TNFAIP2: variants seen among roughly 807,000 people sequenced by gnomAD.
The protein encoded by TNFAIP2 is tumor necrosis factor alpha-induced protein 2.
In TNFAIP2, 47 loss-of-function variants were observed where a neutral mutation model predicts 63.5. The observed-to-expected ratio is 0.74, with a 90% confidence interval of 0.59 to 0.94. The LOEUF (loss-of-function observed/expected upper bound fraction) is 0.94, where lower values mean the gene tolerates loss of function less well. Ranked by LOEUF, TNFAIP2 falls within the 40% of genes least tolerant of loss-of-function variation. The probability of loss-of-function intolerance (pLI) is 0.00; values close to 1 mark genes in which losing one functional copy is unlikely to be tolerated. For synonymous variants in TNFAIP2, 405 were observed against 390.2 expected, an observed-to-expected ratio of 1.04 and a Z score of -0.45; for missense variants, 787 against 850.2, an observed-to-expected ratio of 0.93 and a Z score of 0.92.
chr14:103,127,221 T>G lies in TNFAIP2; in HGVS notation c.452T>G (p.Leu151Arg). 1 of 1,096,804 alleles carries G rather than the reference T, an allele frequency of 9.1e-7. No homozygotes were observed. The highest frequency in any genetic ancestry group is 5.5e-5 in the Admixed American group (1 of 18,028). The allele number at this position is 1,096,804 out of a possible 1,614,324, so 67.9% of individuals were successfully genotyped here. Residue 151 changes from leucine to arginine, a missense_variant, in exon 3 of 12, where the codon CTG becomes CGG. Physicochemically the swap from Leu to Arg is moderately radical, Grantham distance 102. This residue lies in a region of TNFAIP2 where 258 missense variants were observed against 228.9 expected (regional missense o/e 1.13). Transcript: ENST00000560869. This position sits in a 1 kb window ranked among gnomAD's most constrained non-coding sequence, Gnocchi z 5.1. ...RRPLEAPPER[L>R]RQALAVVAEQ... The stretch of plus-strand genomic sequence containing the variant: ...CCGCTGGAGGCGCCGCCCGAGCGGC[T>G]GCGCCAGGCGCTGGCCGTGGTGGCG...
rs967106334 is a variant in TNFAIP2 at position 103,127,269 on chromosome 14, AGGC to A, written c.512_514del (p.Ala171del). On this transcript the variant is annotated inframe_deletion, in exon 3 of 12. Transcript: ENST00000560869. The surrounding 1 kb of genome is among the most constrained non-coding windows in gnomAD (Gnocchi z 5.1). ...GCGGAGCAGGAGCGCGAGGACCGCC[AGGC>A]GGCGGCGGCGGGGCCGGGGACCTCG... 6.6e-5 allele frequency: 66 copies of A among 996,082 alleles called. No homozygotes were observed. The highest frequency in any genetic ancestry group is 2.1e-4 in the East Asian group (2 of 9,724). The allele number at this position is 996,082 out of a possible 1,614,324, so 61.7% of individuals were successfully genotyped here.
intron 9 of TNFAIP2, among the ~76,000 whole-genome samples, 179 bp from the exon 10 acceptor site, chr14:103,133,181 AAC>A (rs3070503): frequency 0.21 from 31,357 of 152,180 alleles, 4,274 homozygotes; most frequent in African/African-American, 0.4. Context: ...TGCACATGTG[AAC>A]ACACACGCAT....
In TNFAIP2 at chr14:103,133,134, G is replaced by A. The variant is rs8176392; in HGVS notation, c.1546-228G>A. On this transcript the variant is annotated intron_variant, in intron 9 of 11. Coordinates refer to ENST00000560869, the MANE Select transcript of TNFAIP2 (RefSeq NM_006291.4). ...CACATATGAACACACGTGAAGGCAC[G>A]AGCATGTAAACACACACATGTGAAC... Among the ~76,000 whole-genome samples the A allele has an allele frequency of 1.2e-4, 14 of 117,238 alleles. No individual in the cohort carries two copies. In the South Asian group the frequency reaches 1.2e-3, roughly 10 times the overall value. The allele number at this position is 117,238 out of a possible 152,430, so 76.9% of individuals were successfully genotyped here.
At chr14:103,129,702 G>A in intron 3 of TNFAIP2, 38 bp from the exon 4 acceptor site, 1 of 1,581,366 alleles carries the variant, frequency 6.3e-7, no homozygotes, top group Non-Finnish European at 8.7e-7. Context: ...GTGCTGATTT[G>A]GTATAGTTGT....
chr14:103,130,274 C>T (rs1461503618), intron 5 of TNFAIP2, 41 bp from the exon 6 acceptor site: 1 of 1,536,138 alleles, frequency 6.5e-7, no homozygotes, highest in South Asian at 1.2e-5. Context: ...CCCCCTTGTC[C>T]AGGCGAGCCC....
intron 11 of TNFAIP2, among the ~76,000 whole-genome samples, chr14:103,134,455 TCCACCCAC>T (rs948414531): frequency 6.1e-5 from 9 of 147,074 alleles, no homozygotes; most frequent in African/African-American, 1.5e-4. Flanking sequence ...TGTCTACCCA[TCCACCCAC>T]CCACCCACCC....
At chr14:103,134,908 A>C (rs1380942869) in intron 11 of TNFAIP2, among the ~76,000 whole-genome samples, 1 of 152,226 alleles carries the variant, frequency 6.6e-6, no homozygotes, top group Admixed American at 6.5e-5. Context: ...GGAGGTGCCG[A>C]CTTTAGAGAC....
Position 103,126,836 on chromosome 14 carries a change from T to TG in TNFAIP2, c.235+150dup, listed in dbSNP as rs1055614263. ...CCCTGCTTTCACCTGTGCCGCAATC[T>TG]GGGGGGCTGGGAGGCCTTCAGCCTA... is the stretch of plus-strand genomic sequence containing the variant. On this transcript the variant is annotated intron_variant, in intron 2 of 11. Transcript: ENST00000560869. 8.3e-6 allele frequency: 11 copies of TG among 1,332,326 alleles called. No homozygotes were observed. In the South Asian group the frequency reaches 1.2e-4, roughly 15 times the overall value. 82.5% of individuals were successfully genotyped at this position (1,332,326 alleles called of 1,614,324 possible). A position where few individuals can be genotyped will look rare whatever the true frequency, so the allele number is the denominator to read the frequency against.
chr14:103,135,410 C>T lies in TNFAIP2; in HGVS notation c.*50C>T, dbSNP rs1392754332. 1.3e-6 allele frequency: 2 copies of T among 1,557,516 alleles called. No homozygotes were observed. Among genetic ancestry groups the T allele is most frequent in the East Asian group, 2.2e-5 (1 of 44,472 alleles). ...GTGAGTGCCCAGCAAGCCTTGGGCA[C>T]ACCCCGCTGGGAGCTGTTAAGAGCA... On this transcript the variant is annotated 3_prime_UTR_variant, in exon 12 of 12. Transcript: ENST00000560869. The surrounding 1 kb of genome is among the most constrained non-coding windows in gnomAD (Gnocchi z 7.6).
In TNFAIP2 at chr14:103,132,335, C is replaced by T. The variant is rs8176364; in HGVS notation, c.1423-415C>T. Among the ~76,000 whole-genome samples the T allele has an allele frequency of 9.9e-3, 1,509 of 152,238 alleles. 15 individuals carry two copies. Among genetic ancestry groups the T allele is most frequent in the Non-Finnish European group, 0.014 (939 of 68,012 alleles). ...AAAAGGAAGGGGAGAGGTTCTCTTC[C>T]CGGTGTCAGGGACTAGCGGCCATGG... On this transcript the variant is annotated intron_variant, in intron 8 of 11. Coordinates refer to ENST00000560869, the MANE Select transcript of TNFAIP2 (RefSeq NM_006291.4).
Position 103,126,300 on chromosome 14 carries a change from C to A in TNFAIP2, c.-148-10C>A, listed in dbSNP as rs942372009. The stretch of plus-strand genomic sequence containing the variant: ...TGGTGACCACTGATGCCTTCACCCC[C>A]ACCCCGCAGGAGCCTGCAGGCCTGA... On this transcript the variant is annotated splice_polypyrimidine_tract_variant and intron_variant, in intron 1 of 11. Transcript: ENST00000560869. The A allele has an allele frequency of 9.4e-5, 57 of 605,498 alleles. No individual in the cohort carries two copies. Among genetic ancestry groups the A allele is most frequent in the South Asian group, 8.7e-4 (42 of 48,526 alleles). The allele number at this position is 605,498 out of a possible 1,614,324, so 37.5% of individuals were successfully genotyped here.
rs968626038 is a variant in TNFAIP2, at chr14:103,137,294, T to C, written c.*1934T>C. The C allele has an allele frequency of 1.2e-4, 19 of 152,438 alleles. No individual in the cohort carries two copies. Among genetic ancestry groups the C allele is most frequent in the African/African-American group, 4.6e-4 (19 of 41,596 alleles). The allele number at this position is 152,438 out of a possible 1,614,324, so 9.4% of individuals were successfully genotyped here. On this transcript the variant is annotated 3_prime_UTR_variant, in exon 12 of 12. Coordinates refer to ENST00000560869, the MANE Select transcript of TNFAIP2 (RefSeq NM_006291.4). The stretch of plus-strand genomic sequence containing the variant: ...GCCAGGAAGTGGCCGGTATAAAGGA[T>C]GCCCAAGGTCTTTGTACGTGTGTAG...
In TNFAIP2 at chr14:103,127,032, GC is replaced by G; in HGVS notation, c.264del (p.Gln90SerfsTer24). 1 of 1,171,904 alleles carries G rather than the reference GC, an allele frequency of 8.5e-7. No individual in the cohort carries two copies. The allele number at this position is 1,171,904 out of a possible 1,614,324, so 72.6% of individuals were successfully genotyped here. A position where few individuals can be genotyped will look rare whatever the true frequency, so the allele number is the denominator to read the frequency against. On this transcript the variant is annotated frameshift_variant, in exon 3 of 12. Coordinates refer to ENST00000560869, the MANE Select transcript of TNFAIP2 (RefSeq NM_006291.4). LOFTEE classifies it high-confidence loss of function. The surrounding 1 kb of genome is among the most constrained non-coding windows in gnomAD (Gnocchi z 5.1). ...TVEELKAALE[R>X]GQLEAARPLL... is the part of the protein sequence containing the mutation. The stretch of plus-strand genomic sequence containing the variant: ...GAGGAGCTGAAGGCGGCGCTGGAGC[GC>G]GGGCAGCTGGAGGCGGCGCGGCCGC...
chr14:103,131,126 A>G lies in TNFAIP2; in HGVS notation c.1274A>G (p.Asn425Ser), dbSNP rs1327183358. Residue 425 changes from asparagine (N) to serine (S), a missense_variant, in exon 7 of 12, where the codon AAC (asparagine) becomes AGC (serine). Asn to Ser is a conservative substitution (Grantham distance 46). Transcript: ENST00000560869. This position sits in a 1 kb window ranked among gnomAD's most constrained non-coding sequence, Gnocchi z 4.0. ...LTNYRANVIA[N>S]INNCLSFRMS... Reference sequence around the variant, plus strand: ...AATTACAGGGCCAATGTTATTGCCAACATCAACAACTGCCTGTCCTTCCGG... The same window carrying G: ...AATTACAGGGCCAATGTTATTGCCAGCATCAACAACTGCCTGTCCTTCCGG... 2 of 1,614,206 alleles carry G rather than the reference A, an allele frequency of 1.2e-6. No homozygotes were observed. Among genetic ancestry groups the G allele is most frequent in the Non-Finnish European group, 1.7e-6 (2 of 1,180,026 alleles).
intron 6 of TNFAIP2, 47 bp downstream of exon 6, chr14:103,130,462 G>A: frequency 6.5e-7 from 1 of 1,527,140 alleles, no homozygotes. Flanking sequence ...CGCTCTCAGA[G>A]CCACGGCCCC....
chr14:103,122,721 T>C, upstream of TNFAIP2: 1 of 455,900 alleles, frequency 2.2e-6, no homozygotes, highest in South Asian at 1.5e-5. Context: ...CTTGGGCCCC[T>C]CCCCTTCTGC....
rs981335265 is a variant in TNFAIP2, at chr14:103,127,599, TG to T, written c.831del (p.Leu278CysfsTer51). The T allele has an allele frequency of 3.2e-6, 5 of 1,542,330 alleles. No individual in the cohort carries two copies. Among genetic ancestry groups the T allele is most frequent in the Non-Finnish European group, 4.4e-6 (5 of 1,146,408 alleles). ...CTGTGCGAGCGCGACACCTACATGC[TG>T]CTGCTCTGGGTGCAGAACCTCTACC... ...FELCERDTYM[L>X]LLWVQNLYPN... On this transcript the variant is annotated frameshift_variant, in exon 3 of 12. Transcript: ENST00000560869. LOFTEE classifies it high-confidence loss of function. This position sits in a 1 kb window ranked among gnomAD's most constrained non-coding sequence, Gnocchi z 5.1.
rs1308830405 is a variant in TNFAIP2, at chr14:103,135,957, A to C, written c.*597A>C. 33 of 1,289,630 alleles carry C rather than the reference A, an allele frequency of 2.6e-5. No individual in the cohort carries two copies. Among genetic ancestry groups the C allele is most frequent in the Non-Finnish European group, 3.3e-5 (33 of 988,978 alleles). 79.9% of individuals were successfully genotyped at this position (1,289,630 alleles called of 1,614,324 possible). A position where few individuals can be genotyped will look rare whatever the true frequency, so the allele number is the denominator to read the frequency against. On this transcript the variant is annotated 3_prime_UTR_variant, in exon 12 of 12. Transcript: ENST00000560869. The surrounding 1 kb of genome is among the most constrained non-coding windows in gnomAD (Gnocchi z 7.6). Reference sequence around the variant, plus strand: ...ACCGCCAGCATTAGACGTCACATCCAGGTGGCCCCACGGCCCCTACAGGCT... The same window carrying C: ...ACCGCCAGCATTAGACGTCACATCCCGGTGGCCCCACGGCCCCTACAGGCT...
chr14:103,130,181 C>A lies in TNFAIP2; in HGVS notation c.1098+57C>A, dbSNP rs532740071. 3.8e-5 allele frequency: 60 copies of A among 1,584,518 alleles called. No homozygotes were observed. In the African/African-American group the frequency reaches 7.1e-4, roughly 19 times the overall value. On this transcript the variant is annotated intron_variant, in intron 5 of 11. Coordinates refer to ENST00000560869, the MANE Select transcript of TNFAIP2 (RefSeq NM_006291.4). ...GCCCGTGCACGTGCATGGGGAGCCC[C>A]ACGCACATTCCGTCCTGTGTGCATA...
Sources: gnomAD v4.1 joint callset for allele counts (sites outside exome capture counted in the v4.1 genomes callset) on GRCh38, gnomAD v4.1.1 for gene constraint, gnomAD v4.1.1 regional missense constraint, Gnocchi (gnomAD v3.1) non-coding constraint, MANE v1.5 for transcripts, NCBI Gene and HGNC (gene_info 2026-07-23, HGNC 2026-07-21) for gene names.